The following ARHGAP25 variants were observed in gnomAD, a reference collection of about 807,000 sequenced individuals.
ARHGAP25 encodes the protein rho GTPase-activating protein 25.
ARHGAP25 carries 34 observed loss-of-function variants against 71.0 expected under a neutral mutation model. That is an observed-to-expected ratio of 0.48 (90% CI 0.36 to 0.64). ARHGAP25 has a LOEUF of 0.64. Ranked by LOEUF, ARHGAP25 falls within the 30% of genes least tolerant of loss-of-function variation. ARHGAP25 has a pLI of 0.00. For missense variants in ARHGAP25, 706 were observed against 805.1 expected (o/e 0.88, Z 1.49); for synonymous variants, 282 against 296.5 (o/e 0.95, Z 0.50).
Position 68,822,800 on chromosome 2 carries a change from T to G in ARHGAP25, c.1661T>G (p.Leu554Trp), listed in dbSNP as rs754045813. The G allele has an allele frequency of 9.9e-6, 16 of 1,614,102 alleles. No homozygotes were observed. The Admixed American group carries it at 2.2e-4, about 22-fold the overall frequency. The change falls in exon 10 of 11, where the codon TTG (leucine) becomes TGG (tryptophan). Residue 554 changes from leucine to tryptophan, a missense_variant. Coordinates refer to ENST00000409202, the MANE Select transcript of ARHGAP25 (RefSeq NM_001007231.3). Reference protein sequence around the residue: ...KNSGEEEIDSLQRMVQELRKE... With the variant: ...KNSGEEEIDSWQRMVQELRKE... Reference sequence around the variant, plus strand: ...TCTGGAGAAGAGGAAATTGATTCTTTGCAGAGGATGGTCCAAGAGCTACGA... The same window carrying G: ...TCTGGAGAAGAGGAAATTGATTCTTGGCAGAGGATGGTCCAAGAGCTACGA...
In ARHGAP25 at chr2:68,775,369, G is replaced by A; in HGVS notation, c.210G>A (p.Leu70=). Residue 70 remains leucine, a synonymous_variant, in exon 2 of 11, where the codon CTG becomes CTA. Transcript: ENST00000409202. ...VKNWQQRYFV[L]RAQQLYYYKD... ...ACTGGCAGCAGAGGTACTTTGTGCTGAGGGCGCAGCAGCTCTACTACTACA... is the reference window on the plus strand; with the variant it reads ...ACTGGCAGCAGAGGTACTTTGTGCTAAGGGCGCAGCAGCTCTACTACTACA... 1.2e-6 allele frequency: 2 copies of A among 1,614,228 alleles called. No homozygotes were observed. The highest frequency in any genetic ancestry group is 1.7e-6 in the Non-Finnish European group (2 of 1,180,046).
At chr2:68,753,729 G>T (rs530811400) in intron 1 of ARHGAP25, among the ~76,000 whole-genome samples, 5 of 152,206 alleles carry the variant, frequency 3.3e-5, no homozygotes, top group African/African-American at 9.6e-5. Flanking sequence ...TCAACAAGTC[G>T]CTGTAGAATA....
chr2:68,774,698 T>C, intron 1 of ARHGAP25: 2 of 978,932 alleles, frequency 2.0e-6, no homozygotes, highest in Non-Finnish European at 2.4e-6. Context: ...CACAGCGAGG[T>C]TGGAGCTAAC....
intron 2 of ARHGAP25, among the ~76,000 whole-genome samples, chr2:68,775,973 C>T (rs2104376345): frequency 6.6e-6 from 1 of 152,252 alleles, no homozygotes; most frequent in African/African-American, 2.4e-5. Flanking sequence ...GATGAGCTAG[C>T]AGATGTCACG....
At chr2:68,805,688 G>A (rs1044803695) in intron 4 of ARHGAP25, among the ~76,000 whole-genome samples, 2 of 152,150 alleles carry the variant, frequency 1.3e-5, no homozygotes, top group African/African-American at 4.8e-5. Flanking sequence ...GCTGGGTAGT[G>A]GGTAGGAGCG....
chr2:68,815,155 A>G (rs1290508667), intron 6 of ARHGAP25, among the ~76,000 whole-genome samples: 1 of 152,170 alleles, frequency 6.6e-6, no homozygotes, highest in East Asian at 1.9e-4. Context: ...GAGAGTTTCC[A>G]CATCTGTGGC....
At chr2:68,746,714 C>CA (rs1553395349) in intron 1 of ARHGAP25, among the ~76,000 whole-genome samples, 5 of 151,314 alleles carry the variant, frequency 3.3e-5, no homozygotes, top group Non-Finnish European at 5.9e-5. Flanking sequence ...CCCCCCTCCC[C>CA]ATCCCCACAG....
At chr2:68,804,157 A>C (rs1219068468) in intron 4 of ARHGAP25, among the ~76,000 whole-genome samples, 1 of 152,220 alleles carries the variant, frequency 6.6e-6, no homozygotes, top group Admixed American at 6.5e-5. Flanking sequence ...AACTAGACAT[A>C]TATTAAGGTG....
intron 1 of ARHGAP25, among the ~76,000 whole-genome samples, chr2:68,773,222 A>C (rs1677602321): frequency 6.6e-6 from 1 of 152,234 alleles, no homozygotes; most frequent in Non-Finnish European, 1.5e-5. Flanking sequence ...TAGCTACAGA[A>C]AGACTCTGTA....
chr2:68,808,815 T>C (rs1469793371), intron 5 of ARHGAP25, among the ~76,000 whole-genome samples: 2 of 152,230 alleles, frequency 1.3e-5, no homozygotes, highest in South Asian at 2.1e-4. Context: ...AGGTGATTGC[T>C]GGGATATGCC....
intron 4 of ARHGAP25, among the ~76,000 whole-genome samples, chr2:68,799,196 G>A (rs1030909813): frequency 6.6e-6 from 1 of 152,164 alleles, no homozygotes; most frequent in African/African-American, 2.4e-5. Context: ...AGAATGTGGA[G>A]TCAGATGAGT....
intron 1 of ARHGAP25, among the ~76,000 whole-genome samples, chr2:68,754,051 C>T (rs553651826): frequency 2.1e-4 from 32 of 152,052 alleles, no homozygotes; most frequent in Admixed American, 2.6e-4. Context: ...TACAGGCGCC[C>T]GCCACCATGC....
chr2:68,765,104 G>A (rs1677048083), intron 1 of ARHGAP25, among the ~76,000 whole-genome samples: 1 of 152,124 alleles, frequency 6.6e-6, no homozygotes, highest in African/African-American at 2.4e-5. Context: ...CTGCCAGTAA[G>A]TGTTGGGGTA....
chr2:68,725,291 C>T (rs891232788), intron 2 of ARHGAP25, among the ~76,000 whole-genome samples: 18 of 152,010 alleles, frequency 1.2e-4, no homozygotes, highest in African/African-American at 3.9e-4. Context: ...GTTCTCAATG[C>T]GAGGCCACAG....
At chr2:68,817,765 T>G in intron 7 of ARHGAP25, 108 bp from the exon 8 acceptor site, 1 of 1,374,784 alleles carries the variant, frequency 7.3e-7, no homozygotes, top group South Asian at 1.3e-5. Flanking sequence ...CATTCCTGAG[T>G]CTGGGAGGAA....
At chr2:68,775,072 C>G in intron 1 of ARHGAP25, 149 bp from the exon 2 acceptor site, 1 of 1,539,700 alleles carries the variant, frequency 6.5e-7, no homozygotes. Flanking sequence ...GGGGGACTTT[C>G]TCTGGCTCAG....
intron 3 of ARHGAP25, among the ~76,000 whole-genome samples, chr2:68,785,912 A>G (rs1270841675): frequency 6.6e-6 from 1 of 152,180 alleles, no homozygotes; most frequent in East Asian, 1.9e-4. Flanking sequence ...TGAGCTTTGT[A>G]TTAATGTCAG....
intron 1 of ARHGAP25, among the ~76,000 whole-genome samples, chr2:68,740,357 G>T (rs4854504): frequency 0.31 from 46,457 of 152,078 alleles, 7,587 homozygotes; most frequent in South Asian, 0.43. Flanking sequence ...ACTATGTATA[G>T]ACCCTCTGCA....
chr2:68,773,205 T>C (rs1482173004), intron 1 of ARHGAP25, among the ~76,000 whole-genome samples: 1 of 152,190 alleles, frequency 6.6e-6, no homozygotes, highest in Non-Finnish European at 1.5e-5. Flanking sequence ...CCAGATACAA[T>C]TGGAGATAGC....
Sources: allele counts gnomAD v4.1 joint callset (sites outside exome capture counted in the v4.1 genomes callset), GRCh38; gene constraint gnomAD v4.1.1; transcripts MANE v1.5; gene names NCBI Gene and HGNC (gene_info 2026-07-23, HGNC 2026-07-21).